The following P3H2 variants were observed in gnomAD, a reference collection of about 807,000 sequenced individuals.
P3H2 encodes the protein prolyl 3-hydroxylase 2, also known as leprecan-like 1.
A neutral mutation model predicts 87.0 loss-of-function variants in P3H2; 80 were observed. The observed-to-expected ratio is 0.92, with a 90% CI of 0.77 to 1.11. The LOEUF (loss-of-function observed/expected upper bound fraction) is 1.11. P3H2 is among the 50% of genes least tolerant of loss of function. The pLI is 0.00. For synonymous variants in P3H2, 367 were observed against 359.3 expected (o/e 1.02, Z -0.24); for missense variants, 1,001 against 923.9 (o/e 1.08, Z -1.08).
intron 1 of P3H2, among the ~76,000 whole-genome samples, chr3:190,097,132 G>A (rs1727612338): frequency 6.6e-6 from 1 of 152,192 alleles, no homozygotes; most frequent in Non-Finnish European, 1.5e-5. Flanking sequence ...AAGTTTCAGA[G>A]CATGAATTTC....
chr3:190,038,298 G>A (rs1317792403), intron 1 of P3H2, among the ~76,000 whole-genome samples: 2 of 150,072 alleles, frequency 1.3e-5, no homozygotes, highest in Non-Finnish European at 3.0e-5. Flanking sequence ...AAGCTTCCTG[G>A]AGACTATGAG....
At chr3:190,082,480 T>G (rs78081626) in intron 1 of P3H2, among the ~76,000 whole-genome samples, 10 of 152,222 alleles carry the variant, frequency 6.6e-5, no homozygotes, top group African/African-American at 2.2e-4. Context: ...ATATGATATT[T>G]TGATATATGT....
At position 189,987,616 on chromosome 3, in the gene P3H2, G is replaced by C. The variant is rs528547294; in HGVS notation, c.1009C>G (p.Pro337Ala). Residue 337 changes from proline (P) to alanine (A), a missense_variant, in exon 5 of 15, where the codon CCA becomes GCA. Pro to Ala is a conservative substitution (Grantham distance 27). Transcript: ENST00000319332. ...ECAKAYLLCH[P>A]DDEDVLDNVD... Reference sequence around the variant, plus strand: ...TTGTCTAGGACATCCTCATCATCTGGATGGCATAGAAGATAGGCTTTGGCA... The same window carrying C: ...TTGTCTAGGACATCCTCATCATCTGCATGGCATAGAAGATAGGCTTTGGCA... 4 of 1,613,966 alleles carry C rather than the reference G, an allele frequency of 2.5e-6. No individual in the cohort carries two copies. The highest frequency in any genetic ancestry group is 3.4e-6 in the Non-Finnish European group (4 of 1,180,012).
At chr3:189,961,081 C>T (rs1267210593) in intron 14 of P3H2, among the ~76,000 whole-genome samples, 2 of 152,070 alleles carry the variant, frequency 1.3e-5, no homozygotes, top group Non-Finnish European at 2.9e-5. Context: ...GCTGGGATTA[C>T]AGGCATATGC....
At chr3:190,024,550 AAAAG>A (rs1408953661) in intron 1 of P3H2, among the ~76,000 whole-genome samples, 8 of 149,038 alleles carry the variant, frequency 5.4e-5, no homozygotes, top group African/African-American at 1.8e-4. Context: ...AAAAAAAAAA[AAAAG>A]AAAGAAAGAA....
intron 1 of P3H2, among the ~76,000 whole-genome samples, chr3:190,059,207 T>C (rs776823894): frequency 2.6e-5 from 4 of 152,044 alleles, no homozygotes; most frequent in Non-Finnish European, 4.4e-5. Context: ...TGTGCCATAA[T>C]AGTATAATTA....
At chr3:189,992,860 A>C (rs1723919194) in intron 3 of P3H2, among the ~76,000 whole-genome samples, 2 of 152,248 alleles carry the variant, frequency 1.3e-5, no homozygotes, top group Admixed American at 1.3e-4. Context: ...ATAATAATTT[A>C]CAGGCTCTCT....
rs530710761 is a variant in P3H2 at position 190,049,849 on chromosome 3, G to C, written c.481-54407C>G. ...GAGTTCTGAAGCATATTTGTTCCACGACATGTGAAAAACTGAGGGGCTTAA... is the reference window on the plus strand; with the variant it reads ...GAGTTCTGAAGCATATTTGTTCCACCACATGTGAAAAACTGAGGGGCTTAA... On this transcript the variant is annotated intron_variant, in intron 1 of 14. Coordinates refer to ENST00000319332, the MANE Select transcript of P3H2 (RefSeq NM_018192.4). Among the ~76,000 whole-genome samples the C allele has an allele frequency of 2.9e-3, 435 of 152,230 alleles. 3 individuals carry two copies. Among genetic ancestry groups the C allele is most frequent in the African/African-American group, 0.01 (418 of 41,560 alleles).
chr3:190,109,620 T>C (rs1428440778), intron 1 of P3H2, among the ~76,000 whole-genome samples: 1 of 152,182 alleles, frequency 6.6e-6, no homozygotes, highest in Non-Finnish European at 1.5e-5. Flanking sequence ...GTCTTTTCCA[T>C]AAGCTGAGTT....
chr3:190,043,418 G>A (rs1013979451), intron 1 of P3H2, among the ~76,000 whole-genome samples: 2 of 152,096 alleles, frequency 1.3e-5, no homozygotes, highest in African/African-American at 4.8e-5. Context: ...TGGGTAATTC[G>A]CAACTCTCAG....
intron 1 of P3H2, among the ~76,000 whole-genome samples, chr3:190,110,129 A>G (rs1712015580): frequency 6.6e-6 from 1 of 152,104 alleles, no homozygotes; most frequent in African/African-American, 2.4e-5. Flanking sequence ...GATTATAGAC[A>G]TGAACCACCG....
intron 14 of P3H2, among the ~76,000 whole-genome samples, chr3:189,962,461 C>T (rs1285845718): frequency 6.6e-6 from 1 of 152,216 alleles, no homozygotes; most frequent in Non-Finnish European, 1.5e-5. Flanking sequence ...AGGCGTGAGC[C>T]ACCACGCCCA....
chr3:190,075,796 C>A (rs905060884), intron 1 of P3H2, among the ~76,000 whole-genome samples: 2 of 152,172 alleles, frequency 1.3e-5, no homozygotes, highest in African/African-American at 4.8e-5. Flanking sequence ...CGGGTCAGAT[C>A]TTGAAAGCCT....
chr3:189,975,897 G>A (rs957289705), intron 8 of P3H2, among the ~76,000 whole-genome samples: 20 of 152,210 alleles, frequency 1.3e-4, no homozygotes, highest in African/African-American at 4.8e-4. Flanking sequence ...AGGAGCTCCA[G>A]TGCTGACAAA....
chr3:189,994,631 G>A (rs1450519476), intron 2 of P3H2, among the ~76,000 whole-genome samples: 1 of 148,992 alleles, frequency 6.7e-6, no homozygotes, highest in Non-Finnish European at 1.5e-5. Context: ...GGGTGGAAGT[G>A]ACATCCACTT....
At chr3:189,979,227 C>T (rs1723448512) in intron 8 of P3H2, among the ~76,000 whole-genome samples, 1 of 151,508 alleles carries the variant, frequency 6.6e-6, no homozygotes, top group African/African-American at 2.4e-5. Context: ...AGTTCAAGAC[C>T]AGCCTGGGCA....
intron 14 of P3H2, among the ~76,000 whole-genome samples, chr3:189,960,245 C>G (rs1014429077): frequency 6.6e-6 from 1 of 152,182 alleles, no homozygotes; most frequent in African/African-American, 2.4e-5. Context: ...ACTCCAGAAT[C>G]AGTTGTCTTG....
At chr3:190,097,413 AGACT>A (rs1175299106) in intron 1 of P3H2, among the ~76,000 whole-genome samples, 1 of 152,238 alleles carries the variant, frequency 6.6e-6, no homozygotes, top group Non-Finnish European at 1.5e-5. Context: ...AGTCAATAAG[AGACT>A]GACTTATACC....
chr3:190,101,538 T>C (rs1711628775), intron 1 of P3H2, among the ~76,000 whole-genome samples: 1 of 151,940 alleles, frequency 6.6e-6, no homozygotes, highest in South Asian at 2.1e-4. Context: ...CAAAGCATAA[T>C]TCAGGGCAAG....
Sources: gnomAD v4.1 joint callset for allele counts (sites outside exome capture counted in the v4.1 genomes callset) on GRCh38, gnomAD v4.1.1 for gene constraint, MANE v1.5 for transcripts, NCBI Gene and HGNC (gene_info 2026-07-23, HGNC 2026-07-21) for gene names.